DACH1: variants seen among roughly 807,000 people sequenced by gnomAD.
DACH1 encodes the protein dachshund homolog 1.
Under a neutral mutation model 54.2 loss-of-function variants are expected in DACH1, and 12 were observed. The ratio of observed to expected loss-of-function variants is 0.22; its 90% CI spans 0.14 to 0.36. The LOEUF (loss-of-function observed/expected upper bound fraction) is 0.36. Among genes scored for constraint, DACH1 ranks in the 10% least tolerant of loss-of-function variants. The pLI, the probability that DACH1 is intolerant of heterozygous loss-of-function variation, is 1.00. For missense variants in DACH1, 805 were observed against 929.8 expected (o/e 0.87, Z 1.75); for synonymous variants, 386 against 366.2 (o/e 1.05, Z -0.62).
At chr13:71,676,910 A>G (rs1158074698) in intron 2 of DACH1, among the ~76,000 whole-genome samples, 2 of 152,240 alleles carry the variant, frequency 1.3e-5, no homozygotes, top group Non-Finnish European at 2.9e-5. Context: ...AGACATATCC[A>G]ACAGACAAAA....
intron 6 of DACH1, among the ~76,000 whole-genome samples, chr13:71,542,673 G>C (rs1477145755): frequency 2.0e-5 from 3 of 152,040 alleles, no homozygotes; most frequent in Non-Finnish European, 4.4e-5. Flanking sequence ...AAATACATGA[G>C]TGTTTCATAT....
At chr13:71,592,900 C>A (rs1326158071) in intron 3 of DACH1, among the ~76,000 whole-genome samples, 1 of 152,020 alleles carries the variant, frequency 6.6e-6, no homozygotes, top group Non-Finnish European at 1.5e-5. Context: ...ACTGGCATTC[C>A]AAATAAGGGC....
intron 6 of DACH1, among the ~76,000 whole-genome samples, chr13:71,514,629 TTAAA>T (rs1265525744): frequency 6.6e-6 from 1 of 151,852 alleles, no homozygotes; most frequent in Non-Finnish European, 1.5e-5. Flanking sequence ...TTCCAAGGAC[TTAAA>T]TATTCTTTCA....
rs1388825408 is a variant in DACH1, at chr13:71,692,742, C to T, written c.849-10832G>A. On this transcript the variant is annotated intron_variant, in intron 1 of 10. Coordinates refer to ENST00000613252, the MANE Select transcript of DACH1 (RefSeq NM_080759.6). Reference sequence around the variant, plus strand: ...TTCACCATATTGGCCAGGCTGGTCTCGAACTCCTGACCTCTTGATCCGCCC... The same window carrying T: ...TTCACCATATTGGCCAGGCTGGTCTTGAACTCCTGACCTCTTGATCCGCCC... 2.0e-5 allele frequency among the ~76,000 whole-genome samples: 3 copies of T among 151,758 alleles called. No homozygotes were observed. The East Asian group carries it at 5.8e-4, about 29-fold the overall frequency.
intron 1 of DACH1, among the ~76,000 whole-genome samples, chr13:71,711,890 A>G (rs1361782243): frequency 6.6e-6 from 1 of 152,144 alleles, no homozygotes; most frequent in Non-Finnish European, 1.5e-5. Context: ...ATTACACTCT[A>G]TCTAGATCAT....
chr13:71,781,728 T>G (rs1301020412), intron 1 of DACH1, among the ~76,000 whole-genome samples: 1 of 152,130 alleles, frequency 6.6e-6, no homozygotes, highest in Non-Finnish European at 1.5e-5. Flanking sequence ...ATGATTTTTC[T>G]TTGGAATTTT....
chr13:71,599,021 T>C (rs955080282), intron 3 of DACH1, among the ~76,000 whole-genome samples: 5 of 152,124 alleles, frequency 3.3e-5, no homozygotes, highest in African/African-American at 1.2e-4. Context: ...AAATCTCTTA[T>C]TTATATAAGG....
chr13:71,597,140 A>G (rs573835974), intron 3 of DACH1, among the ~76,000 whole-genome samples: 32 of 152,262 alleles, frequency 2.1e-4, no homozygotes, highest in Non-Finnish European at 3.4e-4. Flanking sequence ...TTTGTGATGT[A>G]GCGTGAATTG....
At position 71,638,788 on chromosome 13, in the gene DACH1, T is replaced by A. The variant is rs199566388; in HGVS notation, c.965-8071A>T. On this transcript the variant is annotated intron_variant, in intron 2 of 10. Transcript: ENST00000613252. ...GCATTTTGTGCATTAAATACACTTA[T>A]TCATTTAAACCTTTCAGCTATTTTT... Among the ~76,000 whole-genome samples the A allele has an allele frequency of 8.5e-5, 13 of 152,196 alleles. No individual in the cohort carries two copies. In the East Asian group the frequency reaches 1.7e-3, roughly 20 times the overall value.
chr13:71,508,483 G>C (rs1369234286), intron 6 of DACH1, among the ~76,000 whole-genome samples: 1 of 150,224 alleles, frequency 6.7e-6, no homozygotes, highest in Non-Finnish European at 1.5e-5. Flanking sequence ...TTTTTTTGTA[G>C]ATAGATAGGA....
chr13:71,785,483 G>A (rs1886554024), intron 1 of DACH1, among the ~76,000 whole-genome samples: 1 of 152,108 alleles, frequency 6.6e-6, no homozygotes, highest in Non-Finnish European at 1.5e-5. Context: ...AGATAATAAG[G>A]CAAGGCCTAG....
At chr13:71,793,240 C>T (rs9572788) in intron 1 of DACH1, among the ~76,000 whole-genome samples, 70,940 of 151,868 alleles carry the variant, frequency 0.47, 17,550 homozygotes, top group East Asian at 0.86. Flanking sequence ...TTGAGTTATA[C>T]TTTAAGGATG....
At chr13:71,786,706 GC>G (rs996244269) in intron 1 of DACH1, among the ~76,000 whole-genome samples, 1 of 151,926 alleles carries the variant, frequency 6.6e-6, no homozygotes, top group Non-Finnish European at 1.5e-5. Context: ...CAATCTTTTT[GC>G]CCTGAGGACT....
At chr13:71,622,482 C>T (rs915797049) in intron 3 of DACH1, among the ~76,000 whole-genome samples, 1 of 151,658 alleles carries the variant, frequency 6.6e-6, no homozygotes, top group Non-Finnish European at 1.5e-5. Context: ...ATAAAACAAT[C>T]GAGTATCATA....
At chr13:71,462,594 T>C (rs1352231730) in intron 10 of DACH1, among the ~76,000 whole-genome samples, 1 of 151,962 alleles carries the variant, frequency 6.6e-6, no homozygotes, top group African/African-American at 2.4e-5. Flanking sequence ...TTTCAACTAC[T>C]ATTACATTAA....
chr13:71,596,018 G>A (rs1315407602), intron 3 of DACH1, among the ~76,000 whole-genome samples: 2 of 152,066 alleles, frequency 1.3e-5, no homozygotes, highest in African/African-American at 4.8e-5. Context: ...AGACTTTAAA[G>A]TGATGTCCCA....
intron 1 of DACH1, among the ~76,000 whole-genome samples, chr13:71,775,463 A>T (rs1886028993): frequency 6.6e-6 from 1 of 152,136 alleles, no homozygotes; most frequent in Non-Finnish European, 1.5e-5. Flanking sequence ...GTCTTAGTAC[A>T]ATCGCAAAAT....
rs376306409 is a variant in DACH1, at chr13:71,719,633, C to T, written c.849-37723G>A. 2.6e-5 allele frequency among the ~76,000 whole-genome samples: 4 copies of T among 151,878 alleles called. No individual in the cohort carries two copies. The South Asian group carries it at 6.2e-4, about 24-fold the overall frequency. On this transcript the variant is annotated intron_variant, in intron 1 of 10. Transcript: ENST00000613252. ...ATCAAAAACAGATTTTAAAAGTGGC[C>T]TTGGGAGGATTGTCTGAGCCAAGGA...
chr13:71,710,036 A>C (rs1180088058), intron 1 of DACH1, among the ~76,000 whole-genome samples: 1 of 152,054 alleles, frequency 6.6e-6, no homozygotes, highest in African/African-American at 2.4e-5. Flanking sequence ...TTTTGTAAAG[A>C]TGGGGTTTCA....
Sources: allele counts gnomAD v4.1 joint callset (sites outside exome capture counted in the v4.1 genomes callset), GRCh38; gene constraint gnomAD v4.1.1; transcripts MANE v1.5; gene names NCBI Gene and HGNC (gene_info 2026-07-23, HGNC 2026-07-21).